Variants in MAP4K1 observed in about 807,000 individuals in gnomAD.
MAP4K1 encodes the protein MAPK/ERK kinase kinase kinase 1.
Under a neutral mutation model 122.8 loss-of-function variants are expected in MAP4K1, and 35 were observed. That is an observed-to-expected ratio of 0.29 (90% CI 0.22 to 0.38). The LOEUF is 0.38. Among genes scored for constraint, MAP4K1 ranks in the 10% least tolerant of loss-of-function variants. The probability of loss-of-function intolerance (pLI) is 1.00; values close to 1 mark genes in which losing one functional copy is unlikely to be tolerated. For synonymous variants in MAP4K1, 412 were observed against 421.3 expected (o/e 0.98, Z 0.27); for missense variants, 791 against 1,072.6 (o/e 0.74, Z 3.67).
intron 22 of MAP4K1, among the ~76,000 whole-genome samples, chr19:38,599,559 G>C (rs1974999186): frequency 6.6e-6 from 1 of 152,164 alleles, no homozygotes. Context: ...CTACTCAGGA[G>C]GCTGAGGCAT....
intron 4 of MAP4K1, 108 bp from the exon 5 acceptor site, chr19:38,614,553 G>T: frequency 8.4e-7 from 1 of 1,191,540 alleles, no homozygotes; most frequent in African/African-American, 1.5e-5. Flanking sequence ...AGGGAGAGGG[G>T]AAATAGGATA....
intron 9 of MAP4K1, among the ~76,000 whole-genome samples, chr19:38,611,794 A>G (rs1975505741): frequency 6.7e-6 from 1 of 150,146 alleles, no homozygotes; most frequent in Admixed American, 6.7e-5. Flanking sequence ...AATAATAAGA[A>G]TTAATTAATT....
chr19:38,590,394 A>AAATATAT (rs1974685413), intron 30 of MAP4K1, among the ~76,000 whole-genome samples: 2 of 17,296 alleles, frequency 1.2e-4, no homozygotes, highest in African/African-American at 2.0e-4. Context: ...AAAAAAAAAA[A>AAATATAT]ATATATATAT....
intron 19 of MAP4K1, among the ~76,000 whole-genome samples, chr19:38,603,024 ATACATATATACACATG>A (rs2144719909): frequency 1.4e-5 from 2 of 147,684 alleles, no homozygotes; most frequent in South Asian, 4.4e-4. Flanking sequence ...ATATACATGT[ATACATATATACACATG>A]TACATATATA....
intron 12 of MAP4K1, 38 bp downstream of exon 12, chr19:38,609,871 G>A (rs1489082255): frequency 1.5e-5 from 23 of 1,562,412 alleles, no homozygotes; most frequent in East Asian, 6.7e-5. Context: ...GAGAAAGACC[G>A]AGAGGTCCCC....
chr19:38,600,457 C>T (rs890584604), intron 20 of MAP4K1, among the ~76,000 whole-genome samples: 1 of 152,000 alleles, frequency 6.6e-6, no homozygotes, highest in Admixed American at 6.6e-5. Flanking sequence ...CCTCTGATTT[C>T]CTCCCCTCTT....
Position 38,613,860 on chromosome 19 carries a change from G to A in MAP4K1, c.533+20C>T, listed in dbSNP as rs114744224. On this transcript the variant is annotated intron_variant, in intron 8 of 30. Coordinates refer to ENST00000396857, the MANE Select transcript of MAP4K1 (RefSeq NM_001042600.3). ...ACTGACCCCCACTCCACCCCTAGCTGCCCGCTGGGCGCCACTCACCAGTAG... is the reference window on the plus strand; with the variant it reads ...ACTGACCCCCACTCCACCCCTAGCTACCCGCTGGGCGCCACTCACCAGTAG... 1.4e-3 allele frequency: 2,223 copies of A among 1,584,506 alleles called. 34 individuals carry two copies. In the African/African-American group the frequency reaches 0.027, roughly 19 times the overall value.
intron 20 of MAP4K1, 29 bp from the exon 21 acceptor site, chr19:38,600,182 C>G: frequency 1.2e-6 from 2 of 1,600,946 alleles, no homozygotes; most frequent in Non-Finnish European, 1.7e-6. Flanking sequence ...ACGCTGGGAC[C>G]GACTTCATCC....
In MAP4K1 at chr19:38,599,012, CAAAAAAAAAAAAAA is replaced by C. The variant is rs944497385; in HGVS notation, c.1669+899_1669+912del. 7.4e-4 allele frequency among the ~76,000 whole-genome samples: 28 copies of C among 38,008 alleles called. No individual in the cohort carries two copies. The East Asian group carries it at 8.1e-3, about 11-fold the overall frequency. 24.9% of individuals were successfully genotyped at this position (38,008 alleles called of 152,430 possible). A position where few individuals can be genotyped will look rare whatever the true frequency, so the allele number is the denominator to read the frequency against. On this transcript the variant is annotated intron_variant, in intron 22 of 30. Transcript: ENST00000396857. The stretch of plus-strand genomic sequence containing the variant: ...TGGGCAACAGAGTGAGAGTCTATCT[CAAAAAAAAAAAAAA>C]AAAAAAAAAGGACTAATTTAGGCCA...
intron 19 of MAP4K1, among the ~76,000 whole-genome samples, chr19:38,605,166 GC>G (rs960756409): frequency 2.0e-5 from 3 of 151,342 alleles, no homozygotes; most frequent in Non-Finnish European, 2.9e-5. Context: ...CCTTGGGTAA[GC>G]CACTTACCCT....
chr19:38,612,522 G>A (rs1271058156), intron 9 of MAP4K1, 89 bp downstream of exon 9: 1 of 1,344,990 alleles, frequency 7.4e-7, no homozygotes. Flanking sequence ...TGAATTGGAG[G>A]TTCCTGGGAT....
chr19:38,592,250 C>T (rs1052487527), intron 30 of MAP4K1, among the ~76,000 whole-genome samples: 15 of 151,528 alleles, frequency 9.9e-5, no homozygotes, highest in Middle Eastern at 3.4e-3. Context: ...CTTCAGCCTG[C>T]GCAACAGAAT....
chr19:38,588,716 C>T (rs997825695), intron 30 of MAP4K1, among the ~76,000 whole-genome samples: 1 of 150,186 alleles, frequency 6.7e-6, no homozygotes, highest in Non-Finnish European at 1.5e-5. Context: ...AGCGCCAGTG[C>T]ACTCCAGCCT....
At chr19:38,607,694 A>T (rs1975370491) in intron 16 of MAP4K1, among the ~76,000 whole-genome samples, 170 bp downstream of exon 16, 1 of 151,710 alleles carries the variant, frequency 6.6e-6, no homozygotes, top group Non-Finnish European at 1.5e-5. Flanking sequence ...GGGCCTAGGT[A>T]GCTGGGCAGA....
chr19:38,603,201 TAC>T lies in MAP4K1; in HGVS notation c.1447-1678_1447-1677del, dbSNP rs1491510136. On this transcript the variant is annotated intron_variant, in intron 19 of 30. Coordinates refer to ENST00000396857, the MANE Select transcript of MAP4K1 (RefSeq NM_001042600.3). ...GTACATATATACGCATATACATATA[TAC>T]ACATACATATATACACATATACATA... Among the ~76,000 whole-genome samples, 5 of 148,698 alleles carry T rather than the reference TAC, an allele frequency of 3.4e-5. No individual in the cohort carries two copies. The East Asian group carries it at 6.0e-4, about 18-fold the overall frequency.
At chr19:38,611,865 A>G (rs554293565) in intron 9 of MAP4K1, among the ~76,000 whole-genome samples, 3 of 151,892 alleles carry the variant, frequency 2.0e-5, no homozygotes, top group African/African-American at 7.2e-5. Flanking sequence ...TTGGGAGGCC[A>G]AGGCAAGTGG....
At position 38,600,057 on chromosome 19, in the gene MAP4K1, G is replaced by A. The variant is rs1399152954; in HGVS notation, c.1608+20C>T. On this transcript the variant is annotated intron_variant, in intron 21 of 30. Coordinates refer to ENST00000396857, the MANE Select transcript of MAP4K1 (RefSeq NM_001042600.3). Reference sequence around the variant, plus strand: ...CGACTCCGGCCCTTGCCCTTGCCCTGGCCCGGTATGGTTCCTCACCATTTC... The same window carrying A: ...CGACTCCGGCCCTTGCCCTTGCCCTAGCCCGGTATGGTTCCTCACCATTTC... The A allele has an allele frequency of 6.2e-7, 1 of 1,614,138 alleles. No individual in the cohort carries two copies.
At position 38,617,737 on chromosome 19, in the gene MAP4K1, C is replaced by A. The variant is rs779174192; in HGVS notation, c.99+60G>T. 1.9e-6 allele frequency: 3 copies of A among 1,605,848 alleles called. No individual in the cohort carries two copies. The highest frequency in any genetic ancestry group is 8.5e-7 in the Non-Finnish European group (1 of 1,172,536). On this transcript the variant is annotated intron_variant, in intron 1 of 30. Coordinates refer to ENST00000396857, the MANE Select transcript of MAP4K1 (RefSeq NM_001042600.3). The surrounding 1 kb of genome is among the most constrained non-coding windows in gnomAD (Gnocchi z 4.1). ...CCCCCTCTTGCAGCCTCCTCCCTGC[C>A]GAGGGCTTGCCTTAAAGGTCACTGG... is the stretch of plus-strand genomic sequence containing the variant.
intron 11 of MAP4K1, among the ~76,000 whole-genome samples, chr19:38,610,677 TG>T (rs1280536842): frequency 3.3e-5 from 5 of 152,002 alleles, no homozygotes; most frequent in Admixed American, 1.3e-4. Flanking sequence ...TGAGCCACCA[TG>T]CCCAGCCGAC....
Sources: gnomAD v4.1 joint callset for allele counts (sites outside exome capture counted in the v4.1 genomes callset) on GRCh38, gnomAD v4.1.1 for gene constraint, Gnocchi (gnomAD v3.1) non-coding constraint, MANE v1.5 for transcripts, NCBI Gene and HGNC (gene_info 2026-07-23, HGNC 2026-07-21) for gene names.